Variants in COA1 observed in about 807,000 individuals in gnomAD.
COA1 encodes cytochrome c oxidase assembly factor 1, also known as cytochrome c oxidase assembly factor 1 homolog.
In COA1, 13 loss-of-function variants were observed where a neutral mutation model predicts 16.0. The ratio of observed to expected loss-of-function variants is 0.81; its 90% CI spans 0.53 to 1.29. The LOEUF (loss-of-function observed/expected upper bound fraction) is 1.29. COA1 is among the 50% of genes most tolerant of loss of function. The pLI, the probability that COA1 is intolerant of heterozygous loss-of-function variation, is 0.00. For missense variants in COA1, 179 were observed against 177.0 expected (o/e 1.01, Z -0.06); for synonymous variants, 65 against 65.7 (o/e 0.99, Z 0.05).
chr7:43,657,206 A>G (rs1261939919), intron 1 of COA1: 2 of 152,262 alleles, frequency 1.3e-5, no homozygotes, highest in Non-Finnish European at 2.9e-5. Context: ...TGGGACTGAC[A>G]TAAACCAACC....
At chr7:43,671,317 GAAGA>G in intron 1 of COA1, among the ~76,000 whole-genome samples, 1 of 150,698 alleles carries the variant, frequency 6.6e-6, no homozygotes, top group Admixed American at 6.6e-5. Flanking sequence ...GTGACACCAT[GAAGA>G]AAGTGAAAAC....
At chr7:43,624,411 C>T in intron 6 of COA1, 1 of 1,153,300 alleles carries the variant, frequency 8.7e-7, no homozygotes. Flanking sequence ...AGATTTTTGC[C>T]AACTTGTCAG....
intron 5 of COA1, 88 bp from the exon 6 acceptor site, chr7:43,639,769 T>A: frequency 3.1e-6 from 3 of 955,698 alleles, no homozygotes; most frequent in Non-Finnish European, 4.9e-6. Flanking sequence ...AAAGCAGTTG[T>A]TTTGAATAAT....
intron 6 of COA1, among the ~76,000 whole-genome samples, chr7:43,630,096 G>A (rs1185958146): frequency 6.6e-6 from 1 of 152,040 alleles, no homozygotes; most frequent in Non-Finnish European, 1.5e-5. Flanking sequence ...ACACCGCGCG[G>A]GTGAACAGTT....
At chr7:43,648,727 T>A (rs1321384297) in intron 1 of COA1, 75 bp from the exon 2 acceptor site, 56 of 1,034,738 alleles carry the variant, frequency 5.4e-5, no homozygotes, top group Non-Finnish European at 3.8e-5. Context: ...ACAGCCAAGA[T>A]TTATTACCAA....
intron 1 of COA1, among the ~76,000 whole-genome samples, chr7:43,711,012 G>GT (rs35186957): frequency 5.1e-4 from 75 of 146,166 alleles, no homozygotes; most frequent in Non-Finnish European, 6.3e-4. Flanking sequence ...TTTGTTGATG[G>GT]TTTTTTTTTT....
chr7:43,651,737 C>T (rs1426119146), intron 1 of COA1, among the ~76,000 whole-genome samples: 2 of 151,536 alleles, frequency 1.3e-5, no homozygotes, highest in Non-Finnish European at 2.9e-5. Context: ...TGGCTCACGC[C>T]TGTAATCCCC....
chr7:43,686,098 T>C (rs1448462976), intron 1 of COA1, among the ~76,000 whole-genome samples: 1 of 152,212 alleles, frequency 6.6e-6, no homozygotes, highest in African/African-American at 2.4e-5. Flanking sequence ...GGTTTAGTAA[T>C]AATTTTAAAA....
chr7:43,624,578 A>T, intron 6 of COA1: 1 of 1,614,160 alleles, frequency 6.2e-7, no homozygotes, highest in Non-Finnish European at 8.5e-7. Context: ...GCAGTATTCA[A>T]GAGCCTTCTT....
At chr7:43,718,758 G>A (rs776987783) in intron 1 of COA1, among the ~76,000 whole-genome samples, 1 of 152,134 alleles carries the variant, frequency 6.6e-6, no homozygotes, top group Non-Finnish European at 1.5e-5. Flanking sequence ...AGGATTTAGA[G>A]GATAAATCTG....
At chr7:43,714,521 C>T (rs1254503514) in intron 1 of COA1, among the ~76,000 whole-genome samples, 3 of 150,866 alleles carry the variant, frequency 2.0e-5, no homozygotes, top group African/African-American at 7.3e-5. Context: ...CCCAGCTACT[C>T]GGGAGGCTGA....
At chr7:43,711,752 A>T (rs2131778082) in intron 1 of COA1, among the ~76,000 whole-genome samples, 1 of 152,340 alleles carries the variant, frequency 6.6e-6, no homozygotes, top group Admixed American at 6.5e-5. Flanking sequence ...TGAATACTGT[A>T]GGCAATTATA....
At chr7:43,698,532 T>G (rs2131296519) in intron 1 of COA1, among the ~76,000 whole-genome samples, 1 of 152,312 alleles carries the variant, frequency 6.6e-6, no homozygotes, top group Middle Eastern at 3.4e-3. Context: ...TATAATACCT[T>G]TGAGACTCAT....
intron 1 of COA1, among the ~76,000 whole-genome samples, chr7:43,659,637 G>GT (rs2092222728): frequency 6.6e-6 from 1 of 152,130 alleles, no homozygotes; most frequent in Non-Finnish European, 1.5e-5. Context: ...TTTGGTATCA[G>GT]TGACTACAAA....
At chr7:43,696,410 C>T (rs1277172369) in intron 1 of COA1, among the ~76,000 whole-genome samples, 3 of 152,154 alleles carry the variant, frequency 2.0e-5, no homozygotes, top group African/African-American at 2.4e-5. Flanking sequence ...GGTAGGGACA[C>T]AGAACCAAAC....
At chr7:43,612,084 T>C (rs937119379) in intron 6 of COA1, among the ~76,000 whole-genome samples, 2 of 152,238 alleles carry the variant, frequency 1.3e-5, no homozygotes, top group Non-Finnish European at 2.9e-5. Flanking sequence ...TCATATTCCT[T>C]TCTCTCTAAT....
At chr7:43,702,088 G>A (rs897399757) in intron 1 of COA1, among the ~76,000 whole-genome samples, 2 of 151,842 alleles carry the variant, frequency 1.3e-5, no homozygotes, top group Admixed American at 6.6e-5. Context: ...TTTAGGTCTC[G>A]CTTATCTATT....
At chr7:43,680,763 G>T (rs959502193) in intron 1 of COA1, among the ~76,000 whole-genome samples, 2 of 152,156 alleles carry the variant, frequency 1.3e-5, no homozygotes, top group African/African-American at 4.8e-5. Context: ...GAGCCCAGGA[G>T]TTCGAGACCA....
chr7:43,716,888 A>G (rs1354955538), intron 1 of COA1, among the ~76,000 whole-genome samples: 4 of 152,214 alleles, frequency 2.6e-5, no homozygotes, highest in African/African-American at 9.6e-5. Context: ...AAAGGGGCCA[A>G]TGCAGAGCTT....
Sources: allele counts gnomAD v4.1 joint callset (sites outside exome capture counted in the v4.1 genomes callset), GRCh38; gene constraint gnomAD v4.1.1; transcripts MANE v1.5; gene names NCBI Gene and HGNC (gene_info 2026-07-23, HGNC 2026-07-21).